PRIM2: variants seen among roughly 807,000 people sequenced by gnomAD.
PRIM2 encodes the protein DNA primase subunit 2.
PRIM2 carries 39 observed loss-of-function variants against 67.3 expected under a neutral mutation model. That is an observed-to-expected ratio of 0.58 (90% CI 0.45 to 0.76). PRIM2 has a LOEUF of 0.76. Ranked by LOEUF, PRIM2 falls within the 30% of genes least tolerant of loss-of-function variation. The probability of loss-of-function intolerance (pLI) is 0.00; values close to 1 mark genes in which losing one functional copy is unlikely to be tolerated. For synonymous variants in PRIM2, 143 were observed against 198.7 expected (o/e 0.72, Z 2.36); for missense variants, 398 against 598.7 (o/e 0.66, Z 3.50).
intron 10 of PRIM2, among the ~76,000 whole-genome samples, chr6:57,564,280 A>T (rs1452099145): frequency 6.6e-6 from 1 of 152,210 alleles, no homozygotes. Context: ...CAAAACATAC[A>T]GTTTATAGTT....
At chr6:57,481,870 A>G (rs1412147918) in intron 7 of PRIM2, among the ~76,000 whole-genome samples, 2 of 152,180 alleles carry the variant, frequency 1.3e-5, no homozygotes, top group African/African-American at 4.8e-5. Flanking sequence ...TTCTTTTTCT[A>G]TTACAGACTT....
the PRIM2 span, among the ~76,000 whole-genome samples, chr6:57,252,756 T>G: frequency 1.3e-5 from 2 of 152,164 alleles, no homozygotes; most frequent in African/African-American, 4.8e-5. Flanking sequence ...CTTGCCTTCT[T>G]AATTGCAACT....
chr6:57,584,090 G>A (rs1271133425), intron 10 of PRIM2, among the ~76,000 whole-genome samples: 3 of 151,992 alleles, frequency 2.0e-5, no homozygotes, highest in Admixed American at 1.3e-4. Context: ...TAACAGTAGT[G>A]CATTTGTACT....
intron 10 of PRIM2, among the ~76,000 whole-genome samples, chr6:57,558,645 A>G (rs1320103573): frequency 7.0e-6 from 1 of 142,198 alleles, no homozygotes; most frequent in Non-Finnish European, 1.5e-5. Flanking sequence ...CTGTCTTCTG[A>G]TCTTTATCTT....
intron 7 of PRIM2, among the ~76,000 whole-genome samples, chr6:57,437,794 A>G (rs1772062695): frequency 6.6e-6 from 1 of 151,506 alleles, no homozygotes; most frequent in Non-Finnish European, 1.5e-5. Context: ...CCTCTCGAGT[A>G]GCTAGGACGA....
chr6:57,311,204 C>T (rs1271128479), upstream of PRIM2, among the ~76,000 whole-genome samples: 4 of 138,404 alleles, frequency 2.9e-5, no homozygotes, highest in South Asian at 4.9e-4. Context: ...ACCTCCCAGA[C>T]GGGGCGGCCG....
At chr6:57,282,407 A>G in the PRIM2 span, among the ~76,000 whole-genome samples, 1 of 152,144 alleles carries the variant, frequency 6.6e-6, no homozygotes, top group African/African-American at 2.4e-5. Flanking sequence ...GGTATCTCCA[A>G]CTGCTTCCTA....
chr6:57,513,981 C>T (rs1554347974), intron 8 of PRIM2, among the ~76,000 whole-genome samples: 2,610 of 152,220 alleles, frequency 0.017, 72 homozygotes, highest in African/African-American at 0.058. Flanking sequence ...AAAGATAAAG[C>T]AAGCTAAAAC....
Position 57,320,446 on chromosome 6 carries a change from C to CTT in PRIM2, c.155-4_155-3dup. On this transcript the variant is annotated splice_polypyrimidine_tract_variant and intron_variant, in intron 2 of 13. Coordinates refer to ENST00000615550, the MANE Select transcript of PRIM2 (RefSeq NM_000947.5). The stretch of plus-strand genomic sequence containing the variant: ...ATTATCTTGCATTTATACCTTTTTT[C>CTT]TTTTTTTTAGTGTTAAAATCAGTTG... The CTT allele has an allele frequency of 1.3e-6, 2 of 1,540,636 alleles. No homozygotes were observed. Among genetic ancestry groups the CTT allele is most frequent in the South Asian group, 1.2e-5 (1 of 82,172 alleles).
At chr6:57,368,973 A>C (rs1246309912) in intron 5 of PRIM2, among the ~76,000 whole-genome samples, 1 of 152,164 alleles carries the variant, frequency 6.6e-6, no homozygotes, top group Non-Finnish European at 1.5e-5. Context: ...GCTGCGGCAA[A>C]AGGAGGAGAG....
chr6:57,364,272 C>A (rs5009317), intron 5 of PRIM2, among the ~76,000 whole-genome samples: 16 of 152,200 alleles, frequency 1.1e-4, no homozygotes, highest in Middle Eastern at 3.4e-3. Context: ...TATTTCCTTG[C>A]GTGGTTGGTT....
At chr6:57,635,475 T>G (rs1170037799) in intron 13 of PRIM2, among the ~76,000 whole-genome samples, 1 of 152,234 alleles carries the variant, frequency 6.6e-6, no homozygotes, top group African/African-American at 2.4e-5. Flanking sequence ...TTCTGCATAT[T>G]CCATGTATAA....
intron 10 of PRIM2, among the ~76,000 whole-genome samples, chr6:57,539,498 A>G (rs1775089653): frequency 6.6e-6 from 1 of 152,058 alleles, no homozygotes; most frequent in African/African-American, 2.4e-5. Flanking sequence ...TTACTAATAT[A>G]AATAACAGAG....
intron 10 of PRIM2, among the ~76,000 whole-genome samples, chr6:57,594,654 C>G (rs1410343044): frequency 1.3e-5 from 2 of 152,122 alleles, no homozygotes; most frequent in East Asian, 3.9e-4. Flanking sequence ...TACCTTACAC[C>G]ACAGACAAAA....
chr6:57,527,411 A>G (rs1301821432), intron 8 of PRIM2, among the ~76,000 whole-genome samples: 1 of 152,192 alleles, frequency 6.6e-6, no homozygotes, highest in Non-Finnish European at 1.5e-5. Context: ...TCATCAAAGC[A>G]TATCCATTCT....
chr6:57,643,761 TA>T (rs1214838092), intron 13 of PRIM2, among the ~76,000 whole-genome samples: 2 of 152,236 alleles, frequency 1.3e-5, no homozygotes, highest in African/African-American at 4.8e-5. Context: ...GCAGCTAAGT[TA>T]AAAAAATGAA....
the PRIM2 span, among the ~76,000 whole-genome samples, chr6:57,251,125 A>G: frequency 6.6e-6 from 1 of 152,114 alleles, no homozygotes; most frequent in African/African-American, 2.4e-5. Context: ...TCAGGCTCCT[A>G]TTACATTGAA....
At chr6:57,401,531 C>T (rs1410424429) in intron 7 of PRIM2, among the ~76,000 whole-genome samples, 2 of 152,130 alleles carry the variant, frequency 1.3e-5, no homozygotes, top group Non-Finnish European at 2.9e-5. Flanking sequence ...TGTGTGGGGT[C>T]CTCTCCCCTT....
chr6:57,613,343 G>A (rs1368673704), intron 12 of PRIM2, among the ~76,000 whole-genome samples: 2 of 152,148 alleles, frequency 1.3e-5, no homozygotes, highest in Non-Finnish European at 2.9e-5. Context: ...TTAATAATAA[G>A]CCATAATGTA....
Sources: gnomAD v4.1 joint callset for allele counts (sites outside exome capture counted in the v4.1 genomes callset) on GRCh38, gnomAD v4.1.1 for gene constraint, MANE v1.5 for transcripts, NCBI Gene and HGNC (gene_info 2026-07-23, HGNC 2026-07-21) for gene names.